DCHS2: variants seen among roughly 807,000 people sequenced by gnomAD.
DCHS2 encodes the protein protocadherin-23.
Under a neutral mutation model 182.4 loss-of-function variants are expected in DCHS2, and 142 were observed. The ratio of observed to expected loss-of-function variants is 0.78; its 90% confidence interval spans 0.68 to 0.89. The LOEUF is 0.89. Among genes scored for constraint, DCHS2 ranks in the 40% least tolerant of loss-of-function variants. The probability of loss-of-function intolerance (pLI) is 0.00; values close to 1 mark genes in which losing one functional copy is unlikely to be tolerated. For synonymous variants in DCHS2, 1,740 were observed against 1,663.3 expected (o/e 1.05, Z -1.12); for missense variants, 4,319 against 4,198.6 (o/e 1.03, Z -0.79).
At chr4:154,460,353 A>C (rs1734960169) in intron 1 of DCHS2, among the ~76,000 whole-genome samples, 1 of 152,194 alleles carries the variant, frequency 6.6e-6, no homozygotes, top group African/African-American at 2.4e-5. Context: ...CATCTTCCTA[A>C]GGGAGATTTG....
At chr4:154,263,569 G>T (rs1733087436) in intron 14 of DCHS2, among the ~76,000 whole-genome samples, 2 of 151,746 alleles carry the variant, frequency 1.3e-5, no homozygotes, top group South Asian at 2.1e-4. Context: ...TCTGATAGTT[G>T]CATGGAGTGT....
chr4:154,236,163 A>AAAGG lies in DCHS2; in HGVS notation c.8485_8488dup (p.Leu2830SerfsTer9). 1 of 1,613,816 alleles carries AAAGG rather than the reference A, an allele frequency of 6.2e-7. No homozygotes were observed. Among genetic ancestry groups the AAAGG allele is most frequent in the Non-Finnish European group, 8.5e-7 (1 of 1,179,944 alleles). On this transcript the variant is annotated frameshift_variant, in exon 20 of 20. Transcript: ENST00000357232. LOFTEE classifies it low-confidence loss of function (END_TRUNC). ...TTGCTTAGCATGAATATCCCCTGTC[A>AAAGG]AAGGGTCAATGAGGAAGAGATCATG...
Position 154,234,362 on chromosome 4 carries a change from A to C in DCHS2, c.*174T>G, listed in dbSNP as rs1731339496. 6 of 904,732 alleles carry C rather than the reference A, an allele frequency of 6.6e-6. No individual in the cohort carries two copies. The allele number at this position is 904,732 out of a possible 1,614,324, so 56.0% of individuals were successfully genotyped here. A position where few individuals can be genotyped will look rare whatever the true frequency, so the allele number is the denominator to read the frequency against. ...GGATTAAAAGAGGAAATAACTTTTC[A>C]TTAAGGCTGGAAGAAATTGGAGAAA... On this transcript the variant is annotated 3_prime_UTR_variant, in exon 20 of 20. Transcript: ENST00000357232.
intron 1 of DCHS2, among the ~76,000 whole-genome samples, chr4:154,474,243 C>G (rs1250305827): frequency 6.6e-6 from 1 of 152,150 alleles, no homozygotes; most frequent in African/African-American, 2.4e-5. Context: ...ATCTTCAGAG[C>G]GTTAACTTAC....
At chr4:154,310,781 G>C (rs1160073696) in intron 10 of DCHS2, among the ~76,000 whole-genome samples, 1 of 152,180 alleles carries the variant, frequency 6.6e-6, no homozygotes, top group African/African-American at 2.4e-5. Flanking sequence ...CTAGTTGGTA[G>C]AGATATTATG....
In DCHS2 at chr4:154,298,656, T is replaced by C. The variant is rs929247097; in HGVS notation, c.5658A>G (p.Ser1886=). 4.3e-6 allele frequency: 7 copies of C among 1,612,662 alleles called. No homozygotes were observed. The African/African-American group carries it at 8.0e-5, about 18-fold the overall frequency. ...FTINEMSGEL[S]TTRALDREQI... ...GCTCCCGGTCCAAAGCACGAGTGGT[T>C]GAGAGTTCTCCTGACATCTCATTTA... is the stretch of plus-strand genomic sequence containing the variant. Residue 1886 remains serine, a synonymous_variant, in exon 13 of 20, where the codon TCA becomes TCG. Coordinates refer to ENST00000357232, the MANE Select transcript of DCHS2 (RefSeq NM_001358235.2).
At position 154,333,471 on chromosome 4, in the gene DCHS2, T is replaced by A; in HGVS notation, c.2737A>T (p.Arg913Trp). 1 of 1,612,840 alleles carries A rather than the reference T, an allele frequency of 6.2e-7. No individual in the cohort carries two copies. Among genetic ancestry groups the A allele is most frequent in the East Asian group, 2.2e-5 (1 of 44,834 alleles). The change falls in exon 5 of 20, where the codon AGG becomes TGG. Residue 913 changes from arginine (R) to tryptophan (W), a missense_variant. By Grantham distance (101) the Arg-to-Trp change is moderately radical. Coordinates refer to ENST00000357232, the MANE Select transcript of DCHS2 (RefSeq NM_001358235.2). ...CCGCCGAGATCACCAGAAGAAATCC[T>A]GTAAAAGATTGGTTCTGAGGAGTCT... ...PLNSSEPIFYRISSGDLGGKF... is the reference protein window; with the variant it reads ...PLNSSEPIFYWISSGDLGGKF...
Position 154,454,135 on chromosome 4 carries a change from GCACACA to G in DCHS2, c.2052+35163_2052+35168del, listed in dbSNP as rs35387812. On this transcript the variant is annotated intron_variant, in intron 1 of 19. Coordinates refer to ENST00000357232, the MANE Select transcript of DCHS2 (RefSeq NM_001358235.2). Reference sequence around the variant, plus strand: ...ATAGCATTTATACACACATGCGCGCGCACACACACACACACACACACCCCTTGCCAG... The same window carrying G: ...ATAGCATTTATACACACATGCGCGCGCACACACACACACACCCCTTGCCAG... 2.8e-3 allele frequency among the ~76,000 whole-genome samples: 424 copies of G among 150,456 alleles called. 2 individuals are homozygous for G. The highest frequency in any genetic ancestry group is 9.7e-3 in the African/African-American group (396 of 40,930).
At chr4:154,403,240 C>A (rs923280133) in intron 1 of DCHS2, among the ~76,000 whole-genome samples, 1 of 151,882 alleles carries the variant, frequency 6.6e-6, no homozygotes, top group African/African-American at 2.4e-5. Context: ...TTTCTTTTTC[C>A]TAATCTTAGG....
chr4:154,317,537 A>T (rs948376067), intron 9 of DCHS2, among the ~76,000 whole-genome samples: 8 of 152,240 alleles, frequency 5.3e-5, no homozygotes, highest in African/African-American at 1.9e-4. Flanking sequence ...CTCCACATTT[A>T]ACTCCATTCC....
intron 1 of DCHS2, among the ~76,000 whole-genome samples, chr4:154,479,019 G>A (rs1735807649): frequency 6.6e-6 from 1 of 152,042 alleles, no homozygotes; most frequent in Non-Finnish European, 1.5e-5. Context: ...AAACACAGAT[G>A]ACTATATTTC....
chr4:154,344,450 G>A (rs928185511), intron 3 of DCHS2, among the ~76,000 whole-genome samples: 1 of 152,178 alleles, frequency 6.6e-6, no homozygotes, highest in Non-Finnish European at 1.5e-5. Context: ...TATACATTCA[G>A]TCACTTCCTT....
chr4:154,339,979 T>C lies in DCHS2; in HGVS notation c.2477-4875A>G, dbSNP rs147083113. ...TTATGGGAAGCTCACTTTTTACTTC[T>C]TACATTCCTATAGTTTAAAAATTTT... On this transcript the variant is annotated intron_variant, in intron 3 of 19. Coordinates refer to ENST00000357232, the MANE Select transcript of DCHS2 (RefSeq NM_001358235.2). 8.1e-3 allele frequency among the ~76,000 whole-genome samples: 1,227 copies of C among 152,302 alleles called. 14 individuals carry two copies. The highest frequency in any genetic ancestry group is 0.028 in the African/African-American group (1,155 of 41,564).
chr4:154,463,434 T>A (rs975091215), intron 1 of DCHS2, among the ~76,000 whole-genome samples: 1 of 152,116 alleles, frequency 6.6e-6, no homozygotes, highest in Non-Finnish European at 1.5e-5. Context: ...TTTATTGTCA[T>A]GAAACTAATT....
rs370376175 is a variant in DCHS2, at chr4:154,466,057, ATTAAT to A, written c.2052+23242_2052+23246del. ...ACAGATAACCGCCCAAAAATAATTAATTAATTTAAATTAATTAAGTTTCAAATTTC... is the reference window on the plus strand; with the variant it reads ...ACAGATAACCGCCCAAAAATAATTAATTAAATTAATTAAGTTTCAAATTTC... On this transcript the variant is annotated intron_variant, in intron 1 of 19. Transcript: ENST00000357232. 6.8e-3 allele frequency among the ~76,000 whole-genome samples: 1,035 copies of A among 152,274 alleles called. 21 individuals carry two copies. The South Asian group carries it at 0.069, about 10-fold the overall frequency.
At position 154,489,325 on chromosome 4, in the gene DCHS2, C is replaced by G. The variant is rs777587484; in HGVS notation, c.2031G>C (p.Pro677=). 22 of 1,528,686 alleles carry G rather than the reference C, an allele frequency of 1.4e-5. No individual in the cohort carries two copies. Among genetic ancestry groups the G allele is most frequent in the Non-Finnish European group, 1.7e-5 (19 of 1,131,616 alleles). 94.7% of individuals were successfully genotyped at this position (1,528,686 alleles called of 1,614,324 possible). The part of the protein sequence containing the change: ...VYNATIAEHA[P]VGHCFLQVTA... ...TCACCTGCAGAAAGCAGTGTCCAAC[C>G]GGGGCATGCTCTGCAATGGTGGCAT... Residue 677 remains proline (P), a synonymous_variant, in exon 1 of 20, where the codon CCG becomes CCC. Coordinates refer to ENST00000357232, the MANE Select transcript of DCHS2 (RefSeq NM_001358235.2).
chr4:154,468,840 T>C (rs1240707726), intron 1 of DCHS2, among the ~76,000 whole-genome samples: 1 of 152,134 alleles, frequency 6.6e-6, no homozygotes, highest in Non-Finnish European at 1.5e-5. Context: ...TACCAGGCAT[T>C]GGTTTCCTAG....
intron 16 of DCHS2, among the ~76,000 whole-genome samples, chr4:154,253,136 G>A (rs1732466470): frequency 6.6e-6 from 1 of 151,726 alleles, no homozygotes; most frequent in South Asian, 2.1e-4. Context: ...AGGGAGGAAG[G>A]AGGTTTAAAA....
intron 13 of DCHS2, among the ~76,000 whole-genome samples, chr4:154,278,636 A>G (rs901482785): frequency 1.3e-5 from 2 of 152,018 alleles, no homozygotes; most frequent in Non-Finnish European, 2.9e-5. Context: ...AAAAAGAGAA[A>G]GAAAAAGTGA....
Sources: allele counts gnomAD v4.1 joint callset (sites outside exome capture counted in the v4.1 genomes callset), GRCh38; gene constraint gnomAD v4.1.1; transcripts MANE v1.5; gene names NCBI Gene and HGNC (gene_info 2026-07-23, HGNC 2026-07-21).